PTK2B: variants seen among roughly 807,000 people sequenced by gnomAD.
PTK2B encodes the protein protein-tyrosine kinase 2-beta.
Under a neutral mutation model 142.9 loss-of-function variants are expected in PTK2B, and 71 were observed. That is an observed-to-expected ratio of 0.50 (90% CI 0.41 to 0.61). The LOEUF (loss-of-function observed/expected upper bound fraction) is 0.61, where lower values mean the gene tolerates loss of function less well. PTK2B is among the 20% of genes least tolerant of loss of function. PTK2B has a pLI of 0.00. For missense variants in PTK2B, 1,105 were observed against 1,320.4 expected, an observed-to-expected ratio of 0.84 and a Z score of 2.53; for synonymous variants, 519 against 503.4, an observed-to-expected ratio of 1.03 and a Z score of -0.42.
intron 24 of PTK2B, among the ~76,000 whole-genome samples, chr8:27,450,287 T>C (rs1414663251): frequency 6.6e-6 from 1 of 152,196 alleles, no homozygotes; most frequent in Non-Finnish European, 1.5e-5. Flanking sequence ...TAGGTGGAGA[T>C]AGCATCAGAA....
intron 5 of PTK2B, among the ~76,000 whole-genome samples, chr8:27,422,650 C>T (rs1482943592): frequency 2.0e-5 from 3 of 152,186 alleles, no homozygotes; most frequent in African/African-American, 7.2e-5. Flanking sequence ...CTGGCTTCTT[C>T]CATCTGTCAA....
intron 5 of PTK2B, among the ~76,000 whole-genome samples, chr8:27,424,871 GA>G (rs34778526): frequency 0.79 from 118,734 of 150,432 alleles, 47,362 homozygotes; most frequent in Middle Eastern, 0.94. Flanking sequence ...ACATCTCCAG[GA>G]AAAAAAAAAA....
At chr8:27,321,471 A>G (rs572436164), upstream of PTK2B, among the ~76,000 whole-genome samples, 3 of 152,340 alleles carry the variant, frequency 2.0e-5, no homozygotes, top group South Asian at 4.1e-4. Flanking sequence ...TTTCTCATGT[A>G]AAAGTTAAAC....
chr8:27,345,417 G>A (rs551406677), intron 1 of PTK2B, among the ~76,000 whole-genome samples: 13 of 152,144 alleles, frequency 8.5e-5, no homozygotes, highest in Non-Finnish European at 1.9e-4. Context: ...CATCCTTGGG[G>A]CAGAGCTGCC....
chr8:27,435,731 CTGT>C lies in PTK2B; in HGVS notation c.1193-7_1193-5del. 2 of 1,614,156 alleles carry C rather than the reference CTGT, an allele frequency of 1.2e-6. No homozygotes were observed. Among genetic ancestry groups the C allele is most frequent in the South Asian group, 2.2e-5 (2 of 91,086 alleles). On this transcript the variant is annotated splice_polypyrimidine_tract_variant and intron_variant, in intron 13 of 30. Transcript: ENST00000346049. ...ATCTTGTCCACGGCTGAGCCTCTTCCTGTTGTTCCAGAGTCAGACATCTACGCA... is the reference window on the plus strand; with the variant it reads ...ATCTTGTCCACGGCTGAGCCTCTTCCTGTTCCAGAGTCAGACATCTACGCA...
chr8:27,390,154 G>A (rs556693481), intron 1 of PTK2B, among the ~76,000 whole-genome samples: 13 of 152,114 alleles, frequency 8.5e-5, no homozygotes, highest in Non-Finnish European at 1.2e-4. Flanking sequence ...TGGTGCTTTC[G>A]AGACAGGCAA....
intron 1 of PTK2B, among the ~76,000 whole-genome samples, chr8:27,364,941 A>G (rs922326494): frequency 2.0e-5 from 3 of 152,120 alleles, no homozygotes; most frequent in African/African-American, 7.2e-5. Context: ...AATCTGTCCT[A>G]TGCATACCTG....
chr8:27,432,566 T>A (rs1172330517), intron 10 of PTK2B, among the ~76,000 whole-genome samples: 1 of 152,086 alleles, frequency 6.6e-6, no homozygotes, highest in African/African-American at 2.4e-5. Flanking sequence ...CGGGAAACAA[T>A]TTTTTTAATG....
intron 1 of PTK2B, among the ~76,000 whole-genome samples, chr8:27,333,013 G>T (rs905408214): frequency 6.6e-6 from 1 of 152,234 alleles, no homozygotes; most frequent in Admixed American, 6.5e-5. Flanking sequence ...CATAAAAGAG[G>T]CACGAAGTGC....
chr8:27,392,061 C>T (rs1009007097), intron 1 of PTK2B, among the ~76,000 whole-genome samples: 1 of 152,180 alleles, frequency 6.6e-6, no homozygotes, highest in Non-Finnish European at 1.5e-5. Flanking sequence ...GTTTTTGGCT[C>T]ATGAGTTGAG....
At chr8:27,457,832 A>C (rs1011077947) in intron 30 of PTK2B, among the ~76,000 whole-genome samples, 6 of 152,068 alleles carry the variant, frequency 3.9e-5, no homozygotes, top group African/African-American at 1.4e-4. Context: ...AAAATTAGCC[A>C]GGCGTAATTG....
intron 1 of PTK2B, among the ~76,000 whole-genome samples, chr8:27,339,597 G>A: frequency 6.6e-6 from 1 of 152,222 alleles, no homozygotes; most frequent in East Asian, 1.9e-4. Flanking sequence ...GAAAGCTTGA[G>A]AGATGACCTT....
intron 1 of PTK2B, among the ~76,000 whole-genome samples, chr8:27,389,781 T>C (rs114301295): frequency 0.017 from 2,546 of 152,306 alleles, 28 homozygotes; most frequent in Middle Eastern, 0.051. Context: ...TAGCAAATGC[T>C]GGACTGGAGG....
chr8:27,396,460 T>C (rs1232768147), intron 1 of PTK2B, among the ~76,000 whole-genome samples: 1 of 152,222 alleles, frequency 6.6e-6, no homozygotes, highest in Non-Finnish European at 1.5e-5. Context: ...GCTAAGCTCG[T>C]TCTAGAACAG....
chr8:27,316,069 T>A (rs1331406864), intron 3 of PTK2B, among the ~76,000 whole-genome samples: 1 of 152,196 alleles, frequency 6.6e-6, no homozygotes, highest in East Asian at 1.9e-4. Context: ...GAGGTCCTTA[T>A]TGATGTTCAA....
chr8:27,401,149 G>C (rs1808362985), intron 2 of PTK2B, among the ~76,000 whole-genome samples: 1 of 133,784 alleles, frequency 7.5e-6, no homozygotes, highest in South Asian at 2.4e-4. Context: ...AAAAAACAAA[G>C]AGATCCAAGT....
intron 1 of PTK2B, among the ~76,000 whole-genome samples, chr8:27,378,365 C>A (rs951408781): frequency 6.6e-6 from 1 of 152,168 alleles, no homozygotes; most frequent in African/African-American, 2.4e-5. Context: ...TTCAGCCAAA[C>A]AATGAAGAAA....
In PTK2B at chr8:27,434,494, GCT is replaced by G. The variant is rs1810648419; in HGVS notation, c.1146-13_1146-12del. The G allele has an allele frequency of 1.2e-6, 2 of 1,606,980 alleles. No individual in the cohort carries two copies. The highest frequency in any genetic ancestry group is 1.7e-6 in the Non-Finnish European group (2 of 1,176,696). ...CGGCCTCTGAGCTCACCTGGCTTCT[GCT>G]CTCTCACCTCCTACAGAAACCTGGA... On this transcript the variant is annotated splice_polypyrimidine_tract_variant and intron_variant, in intron 12 of 30. Coordinates refer to ENST00000346049, the MANE Select transcript of PTK2B (RefSeq NM_173176.3).
In PTK2B at chr8:27,436,309, C is replaced by T; in HGVS notation, c.1302C>T (p.Gly434=). The change falls in exon 15 of 31, where the codon GGC becomes GGT. Residue 434 remains glycine, a synonymous_variant. Transcript: ENST00000346049. ...DVVLNRILGE[G]FFGEVYEGVY... ...TCCTGAATCGTATTCTTGGGGAAGG[C>T]TTTTTTGGGGAGGTCTATGAAGGTG... 1 of 1,614,068 alleles carries T rather than the reference C, an allele frequency of 6.2e-7. No homozygotes were observed. The highest frequency in any genetic ancestry group is 2.2e-5 in the East Asian group (1 of 44,882).
Sources: allele counts gnomAD v4.1 joint callset (sites outside exome capture counted in the v4.1 genomes callset), GRCh38; gene constraint gnomAD v4.1.1; transcripts MANE v1.5; gene names NCBI Gene and HGNC (gene_info 2026-07-23, HGNC 2026-07-21).